Variants in PLA2G1B observed in about 807,000 individuals in gnomAD.
The protein encoded by PLA2G1B is phospholipase A2 group IB, also known as phospholipase A2.
PLA2G1B carries 12 observed loss-of-function variants against 12.5 expected under a neutral mutation model. That is an observed-to-expected ratio of 0.96 (90% confidence interval 0.62 to 1.56). The LOEUF (loss-of-function observed/expected upper bound fraction) is 1.56. PLA2G1B is among the 40% of genes most tolerant of loss of function. PLA2G1B has a pLI of 0.00. For synonymous variants in PLA2G1B, 81 were observed against 73.4 expected (o/e 1.10, Z -0.53); for missense variants, 189 against 186.7 (o/e 1.01, Z -0.07).
chr12:120,327,054 G>A (rs1265260190), intron 1 of PLA2G1B, among the ~76,000 whole-genome samples: 2 of 151,986 alleles, frequency 1.3e-5, no homozygotes, highest in East Asian at 3.9e-4. Context: ...GCAGGATGAG[G>A]AGAATCTAAA....
Position 120,325,895 on chromosome 12 carries a change from C to A in PLA2G1B, c.160G>T (p.Gly54Trp), listed in dbSNP as rs530511748. The A allele has an allele frequency of 2.7e-5, 44 of 1,614,034 alleles. No homozygotes were observed. Among genetic ancestry groups the A allele is most frequent in the Non-Finnish European group, 3.5e-5 (41 of 1,180,018 alleles). The change falls in exon 2 of 4, where the codon GGG becomes TGG. Residue 54 changes from glycine (G) to tryptophan (W), a missense_variant. Coordinates refer to ENST00000308366, the MANE Select transcript of PLA2G1B (RefSeq NM_000928.3). ...YNNYGCYCGL[G>W]GSGTPVDELD... ...TCATCCACGGGGGTGCCTGAGCCCCCCAAGCCACAGTAGCAGCCGTAGTTG... is the reference window on the plus strand; with the variant it reads ...TCATCCACGGGGGTGCCTGAGCCCCACAAGCCACAGTAGCAGCCGTAGTTG...
In PLA2G1B at chr12:120,322,327, G is replaced by T. The variant is rs762480288; in HGVS notation, c.323-10C>A. The T allele has an allele frequency of 1.2e-6, 2 of 1,613,214 alleles. No homozygotes were observed. Among genetic ancestry groups the T allele is most frequent in the South Asian group, 1.1e-5 (1 of 90,984 alleles). ...CACTCTTTGTTTTTGCCTGGAGAGG[G>T]ATGAAAGGAGAGGACTGAGCCAAGG... On this transcript the variant is annotated splice_polypyrimidine_tract_variant and intron_variant, in intron 3 of 3. Transcript: ENST00000308366.
intron 1 of PLA2G1B, 38 bp downstream of exon 1, chr12:120,327,682 G>A (rs1873376995): frequency 6.2e-7 from 1 of 1,603,040 alleles, no homozygotes; most frequent in Admixed American, 1.7e-5. Flanking sequence ...AGCTCACTTG[G>A]GAGAGAAAGG....
chr12:120,324,035 G>A (rs1873289662), intron 3 of PLA2G1B, among the ~76,000 whole-genome samples: 4 of 152,190 alleles, frequency 2.6e-5, no homozygotes, highest in Admixed American at 2.6e-4. Flanking sequence ...TAATCGGCCA[G>A]GCACAGTGAC....
intron 1 of PLA2G1B, among the ~76,000 whole-genome samples, chr12:120,326,766 C>T (rs11065084): frequency 6.6e-6 from 1 of 151,430 alleles, no homozygotes; most frequent in African/African-American, 2.4e-5. Flanking sequence ...GTCATGAGAT[C>T]GAGACCATCC....
intron 1 of PLA2G1B, among the ~76,000 whole-genome samples, chr12:120,326,412 A>C (rs1873349544): frequency 7.0e-6 from 1 of 141,882 alleles, no homozygotes; most frequent in African/African-American, 2.6e-5. Context: ...ACACGATTTC[A>C]GCTCACTGCA....
rs780067104 is a variant in PLA2G1B, at chr12:120,322,153, A to G, written c.*40T>C. ...GTGCTTTATTGGAGAGTACAGTGTG[A>G]GATGAGGCAGATAGAGGTGATGCTT... On this transcript the variant is annotated 3_prime_UTR_variant, in exon 4 of 4. Coordinates refer to ENST00000308366, the MANE Select transcript of PLA2G1B (RefSeq NM_000928.3). The G allele has an allele frequency of 6.2e-7, 1 of 1,605,266 alleles. No homozygotes were observed. The highest frequency in any genetic ancestry group is 1.3e-5 in the African/African-American group (1 of 74,772).
At chr12:120,323,704 G>T (rs948888658) in intron 3 of PLA2G1B, among the ~76,000 whole-genome samples, 7 of 151,922 alleles carry the variant, frequency 4.6e-5, no homozygotes, top group African/African-American at 7.3e-5. Flanking sequence ...GCTTTCATCA[G>T]ATTTGTAAAT....
At chr12:120,322,823 G>A (rs1873264613) in intron 3 of PLA2G1B, among the ~76,000 whole-genome samples, 1 of 152,074 alleles carries the variant, frequency 6.6e-6, no homozygotes, top group Non-Finnish European at 1.5e-5. Flanking sequence ...CGGACCTCAA[G>A]TGATCCATTT....
chr12:120,325,156 C>A, intron 2 of PLA2G1B, 95 bp from the exon 3 acceptor site: 1 of 1,197,090 alleles, frequency 8.4e-7, no homozygotes. Flanking sequence ...GGGATGACTT[C>A]GCCAAGATGC....
chr12:120,327,773 A>G lies in PLA2G1B; in HGVS notation c.-20T>C. 6.2e-7 allele frequency: 1 copy of G among 1,611,904 alleles called. No individual in the cohort carries two copies. The highest frequency in any genetic ancestry group is 8.5e-7 in the Non-Finnish European group (1 of 1,177,988). ...TTTCATCTTGCAGTCAAGGTGAGAAAAGAACTGAGATGACCAGTCTCAGGT... is the reference window on the plus strand; with the variant it reads ...TTTCATCTTGCAGTCAAGGTGAGAAGAGAACTGAGATGACCAGTCTCAGGT... On this transcript the variant is annotated 5_prime_UTR_variant, in exon 1 of 4. Transcript: ENST00000308366.
At chr12:120,327,673 G>A in intron 1 of PLA2G1B, 47 bp downstream of exon 1, 2 of 1,564,178 alleles carry the variant, frequency 1.3e-6, no homozygotes. Context: ...TGAGATCTTA[G>A]CTCACTTGGG....
At chr12:120,327,626 C>T in intron 1 of PLA2G1B, 94 bp downstream of exon 1, 2 of 1,239,784 alleles carry the variant, frequency 1.6e-6, no homozygotes, top group South Asian at 2.4e-5. Flanking sequence ...CTGGCCATCC[C>T]TGTTTGCTGT....
chr12:120,324,811 T>G lies in PLA2G1B; in HGVS notation c.322+123A>C, dbSNP rs1873305385. On this transcript the variant is annotated intron_variant, in intron 3 of 3. Coordinates refer to ENST00000308366, the MANE Select transcript of PLA2G1B (RefSeq NM_000928.3). ...TATCCCATAGTGTTGTTCTGAGGAT[T>G]AAAGGAGACACTGCCCAGAACCAAG... is the stretch of plus-strand genomic sequence containing the variant. 3 of 949,552 alleles carry G rather than the reference T, an allele frequency of 3.2e-6. 1 individual carries two copies. The allele number at this position is 949,552 out of a possible 1,614,324, so 58.8% of individuals were successfully genotyped here.
intron 1 of PLA2G1B, 163 bp from the exon 2 acceptor site, chr12:120,326,183 GTTT>G (rs11328110): frequency 2.1e-3 from 705 of 336,892 alleles, no homozygotes; most frequent in Middle Eastern, 4.0e-3. Context: ...GTGGGTAGAG[GTTT>G]TTTTTTTTTT....
chr12:120,324,951 G>A lies in PLA2G1B; in HGVS notation c.305C>T (p.Ser102Leu), dbSNP rs139136819. 44 of 1,613,936 alleles carry A rather than the reference G, an allele frequency of 2.7e-5. No homozygotes were observed. Among genetic ancestry groups the A allele is most frequent in the Middle Eastern group, 1.6e-4 (1 of 6,082 alleles). The change falls in exon 3 of 4, where the codon TCG (serine) becomes TTG (leucine). Residue 102 changes from serine to leucine, a missense_variant. Physicochemically the swap from Ser to Leu is moderately radical, Grantham distance 145. Coordinates refer to ENST00000308366, the MANE Select transcript of PLA2G1B (RefSeq NM_000928.3). ...AAACCTACTGCTACAGGTGATTGCC[G>A]AGCCAGAGCACGAGTATGAATAGGT... ...THTYSYSCSG[S>L]AITCSSKNKE...
chr12:120,325,986 G>T lies in PLA2G1B; in HGVS notation c.69C>A (p.Ala23=). ...TGATCATTTTGCGGAACTGCCACAC[G>T]GCCCGAGGGCTGATGCCGCTGTCGG... ...AAADSGISPR[A]VWQFRKMIKC... The change falls in exon 2 of 4, where the codon GCC becomes GCA. Residue 23 remains alanine, a synonymous_variant. Coordinates refer to ENST00000308366, the MANE Select transcript of PLA2G1B (RefSeq NM_000928.3). 1 of 1,614,042 alleles carries T rather than the reference G, an allele frequency of 6.2e-7. No homozygotes were observed. The highest frequency in any genetic ancestry group is 8.5e-7 in the Non-Finnish European group (1 of 1,179,986).
chr12:120,323,917 AAG>A (rs1427370120), intron 3 of PLA2G1B, among the ~76,000 whole-genome samples: 1 of 152,150 alleles, frequency 6.6e-6, no homozygotes, highest in Non-Finnish European at 1.5e-5. Flanking sequence ...AAAAAAGAAA[AAG>A]AAAGTTTATA....
In PLA2G1B at chr12:120,325,843, T is replaced by G. The variant is rs1416067976; in HGVS notation, c.194+18A>C. 1.9e-6 allele frequency: 3 copies of G among 1,612,338 alleles called. No homozygotes were observed. The highest frequency in any genetic ancestry group is 2.5e-6 in the Non-Finnish European group (3 of 1,178,864). ...CCCCCGGCAGGCACTCCAATTTTCC[T>G]GCAGGCGGATCACTTACTTGTCCAG... On this transcript the variant is annotated intron_variant, in intron 2 of 3. Transcript: ENST00000308366.
Sources: gnomAD v4.1 joint callset for allele counts (sites outside exome capture counted in the v4.1 genomes callset) on GRCh38, gnomAD v4.1.1 for gene constraint, MANE v1.5 for transcripts, NCBI Gene and HGNC (gene_info 2026-07-23, HGNC 2026-07-21) for gene names.